The following NHSL1 variants were observed in gnomAD, a reference collection of about 807,000 sequenced individuals.
NHSL1 encodes the protein NHS like 1, also known as NHS-like protein 1.
Under a neutral mutation model 95.0 loss-of-function variants are expected in NHSL1, and 48 were observed. The observed-to-expected ratio is 0.51, with a 90% CI of 0.40 to 0.64. NHSL1 has a LOEUF of 0.64. Among genes scored for constraint, NHSL1 ranks in the 30% least tolerant of loss-of-function variants. The pLI is 0.00. For synonymous variants in NHSL1, 783 were observed against 833.9 expected, an observed-to-expected ratio of 0.94 and a Z score of 1.05; for missense variants, 1,971 against 2,077.7, an observed-to-expected ratio of 0.95 and a Z score of 1.00.
chr6:138,498,968 T>A (rs917980866), intron 1 of NHSL1, among the ~76,000 whole-genome samples: 7 of 152,154 alleles, frequency 4.6e-5, no homozygotes, highest in Admixed American at 3.3e-4. Flanking sequence ...ACCCCAATCA[T>A]AAATAAATAA....
At chr6:138,452,064 T>G (rs1337334857) in intron 3 of NHSL1, among the ~76,000 whole-genome samples, 1 of 152,224 alleles carries the variant, frequency 6.6e-6, no homozygotes, top group Non-Finnish European at 1.5e-5. Flanking sequence ...AAAATTGCCT[T>G]GCTCTCAGAA....
intron 1 of NHSL1, among the ~76,000 whole-genome samples, chr6:138,602,827 G>A (rs1159592235): frequency 6.6e-6 from 1 of 152,156 alleles, no homozygotes; most frequent in Non-Finnish European, 1.5e-5. Context: ...GTAGGTGTAA[G>A]TGTTTAAAAT....
intron 2 of NHSL1, among the ~76,000 whole-genome samples, chr6:138,493,115 T>C (rs1780167798): frequency 6.6e-6 from 1 of 152,184 alleles, no homozygotes; most frequent in African/African-American, 2.4e-5. Flanking sequence ...TGGTTAAAAG[T>C]AAATAACTGA....
Position 138,482,188 on chromosome 6 carries a change from C to T in NHSL1, c.212-8755G>A, listed in dbSNP as rs576603087. 1.3e-4 allele frequency among the ~76,000 whole-genome samples: 20 copies of T among 152,308 alleles called. No individual in the cohort carries two copies. The East Asian group carries it at 3.5e-3, about 26-fold the overall frequency. ...ATGAAGCCGGGCGTGGTGGCTCACGCCTGTAATCCCAACATTTGGGAGGCC... is the reference window on the plus strand; with the variant it reads ...ATGAAGCCGGGCGTGGTGGCTCACGTCTGTAATCCCAACATTTGGGAGGCC... On this transcript the variant is annotated intron_variant, in intron 2 of 7. Coordinates refer to ENST00000343505, the MANE Select transcript of NHSL1 (RefSeq NM_001144060.2).
At chr6:138,610,510 G>A (rs975881546) in intron 1 of NHSL1, among the ~76,000 whole-genome samples, 22 of 149,176 alleles carry the variant, frequency 1.5e-4, no homozygotes, top group African/African-American at 2.2e-4. Flanking sequence ...TGCACGTTGC[G>A]CACATGTACC....
At chr6:138,640,485 C>T (rs563256680) in intron 1 of NHSL1, among the ~76,000 whole-genome samples, 1 of 152,230 alleles carries the variant, frequency 6.6e-6, no homozygotes, top group African/African-American at 2.4e-5. Flanking sequence ...AGACCAATCC[C>T]TCCTCCTCCT....
chr6:138,659,269 C>T (rs1432261044), intron 1 of NHSL1, among the ~76,000 whole-genome samples: 1 of 151,900 alleles, frequency 6.6e-6, no homozygotes, highest in East Asian at 1.9e-4. Context: ...AGGCTGGTCT[C>T]GAACTCCTGA....
chr6:138,525,839 G>A (rs746761364), intron 1 of NHSL1, among the ~76,000 whole-genome samples: 30 of 151,980 alleles, frequency 2.0e-4, no homozygotes, highest in Admixed American at 7.9e-4. Flanking sequence ...GCTCACACCT[G>A]TAATCCCAGC....
At chr6:138,661,645 G>C (rs2114734348) in intron 1 of NHSL1, among the ~76,000 whole-genome samples, 1 of 150,268 alleles carries the variant, frequency 6.7e-6, no homozygotes, top group Middle Eastern at 3.4e-3. Context: ...CTAAGCGACA[G>C]AATGAGACCT....
Position 138,424,937 on chromosome 6 carries a change from A to G in NHSL1, c.4086-121T>C, listed in dbSNP as rs1775162122. 2.3e-6 allele frequency: 2 copies of G among 876,818 alleles called. No individual in the cohort carries two copies. The highest frequency in any genetic ancestry group is 3.6e-5 in the South Asian group (2 of 55,176). The allele number at this position is 876,818 out of a possible 1,614,324, so 54.3% of individuals were successfully genotyped here. ...ATCTACTTAAGATTCACTTTCAAAA[A>G]ATTTATTTTTGACTGGGCACAGTGG... On this transcript the variant is annotated intron_variant, in intron 7 of 7. Transcript: ENST00000343505. The surrounding 1 kb of genome is among the most constrained non-coding windows in gnomAD (Gnocchi z 5.9).
intron 1 of NHSL1, among the ~76,000 whole-genome samples, chr6:138,609,413 A>G (rs1316679917): frequency 6.6e-6 from 1 of 152,166 alleles, no homozygotes; most frequent in Non-Finnish European, 1.5e-5. Flanking sequence ...ACAACTGACC[A>G]TGTGGCCTTG....
At chr6:138,639,797 CAAAAAAA>C (rs56909767) in intron 1 of NHSL1, among the ~76,000 whole-genome samples, 30 of 22,582 alleles carry the variant, frequency 1.3e-3, no homozygotes, top group African/African-American at 3.3e-3. Context: ...GACTCAGTCT[CAAAAAAA>C]AAAAAAAAAA....
upstream of NHSL1, among the ~76,000 whole-genome samples, chr6:138,575,688 G>A (rs1025571300): frequency 6.6e-6 from 1 of 152,134 alleles, no homozygotes; most frequent in Non-Finnish European, 1.5e-5. Flanking sequence ...CAGCTTTGTA[G>A]GTAATAATTA....
chr6:138,425,098 A>G (rs1775175359), intron 7 of NHSL1, among the ~76,000 whole-genome samples: 1 of 151,946 alleles, frequency 6.6e-6, no homozygotes, highest in South Asian at 2.1e-4. Context: ...TAAATGCATA[A>G]TTTATTTTAT....
Position 138,445,753 on chromosome 6 carries a change from G to A in NHSL1, c.532+1248C>T, listed in dbSNP as rs866151790. 2.6e-5 allele frequency among the ~76,000 whole-genome samples: 4 copies of A among 152,280 alleles called. 1 individual carries two copies. The Middle Eastern group carries it at 0.01, about 388-fold the overall frequency. Reference sequence around the variant, plus strand: ...CTTTCTAACAGCAGTAGCCTCAGAAGCACAGCAAGGATGCTATGGGTTTCC... The same window carrying A: ...CTTTCTAACAGCAGTAGCCTCAGAAACACAGCAAGGATGCTATGGGTTTCC... On this transcript the variant is annotated intron_variant, in intron 4 of 7. Transcript: ENST00000343505.
intron 1 of NHSL1, among the ~76,000 whole-genome samples, chr6:138,579,682 G>A (rs1048931837): frequency 6.6e-6 from 1 of 152,164 alleles, no homozygotes; most frequent in African/African-American, 2.4e-5. Flanking sequence ...ACACAGGCTG[G>A]GATCTGCTGG....
At chr6:138,505,483 G>A (rs1242279663) in intron 1 of NHSL1, among the ~76,000 whole-genome samples, 4 of 151,710 alleles carry the variant, frequency 2.6e-5, no homozygotes, top group South Asian at 2.1e-4. Context: ...GTGAAACCCC[G>A]TCTCTGCTAA....
chr6:138,448,326 G>T (rs1344479876), intron 3 of NHSL1, among the ~76,000 whole-genome samples: 1 of 152,164 alleles, frequency 6.6e-6, no homozygotes, highest in Non-Finnish European at 1.5e-5. Flanking sequence ...TTTCGTGGGG[G>T]AAATGACAGC....
chr6:138,645,683 T>C (rs1273260452), intron 1 of NHSL1, among the ~76,000 whole-genome samples: 1 of 151,920 alleles, frequency 6.6e-6, no homozygotes, highest in African/African-American at 2.4e-5. Context: ...AATTTTTGTA[T>C]TTTTAGTAGA....
Sources: allele counts gnomAD v4.1 joint callset (sites outside exome capture counted in the v4.1 genomes callset), GRCh38; gene constraint gnomAD v4.1.1; non-coding constraint Gnocchi (gnomAD v3.1); transcripts MANE v1.5; gene names NCBI Gene and HGNC (gene_info 2026-07-23, HGNC 2026-07-21).